Variants in CHCHD6 observed in about 807,000 individuals in gnomAD.
CHCHD6 encodes the protein MICOS complex subunit MIC25.
Under a neutral mutation model 32.3 loss-of-function variants are expected in CHCHD6, and 28 were observed. The observed-to-expected ratio is 0.87, with a 90% CI of 0.64 to 1.19. CHCHD6 has a LOEUF of 1.19. Among genes scored for constraint, CHCHD6 ranks in the 50% most tolerant of loss-of-function variants. The probability of loss-of-function intolerance (pLI) is 0.00; values close to 1 mark genes in which losing one functional copy is unlikely to be tolerated. For synonymous variants in CHCHD6, 122 were observed against 117.5 expected, an observed-to-expected ratio of 1.04 and a Z score of -0.25; for missense variants, 333 against 307.0, an observed-to-expected ratio of 1.08 and a Z score of -0.63.
At chr3:126,792,266 G>C (rs993021878) in intron 4 of CHCHD6, among the ~76,000 whole-genome samples, 2 of 139,952 alleles carry the variant, frequency 1.4e-5, no homozygotes, top group Non-Finnish European at 3.1e-5. Context: ...TTCTAATATA[G>C]AATATATTAG....
intron 4 of CHCHD6, among the ~76,000 whole-genome samples, chr3:126,796,887 G>A (rs557414101): frequency 3.0e-4 from 46 of 152,310 alleles, no homozygotes; most frequent in African/African-American, 1.1e-3. Flanking sequence ...TGAGAAGTCA[G>A]GGGAGGATCA....
In CHCHD6 at chr3:126,729,747, C is replaced by T. The variant is rs141042550; in HGVS notation, c.197-814C>T. Reference sequence around the variant, plus strand: ...CGGGTCTGGGGTGGAGTCGCACACCCTCATTGAGCGCCTCACACAGCCTGG... The same window carrying T: ...CGGGTCTGGGGTGGAGTCGCACACCTTCATTGAGCGCCTCACACAGCCTGG... On this transcript the variant is annotated intron_variant, in intron 2 of 7. Transcript: ENST00000290913. 2.9e-3 allele frequency among the ~76,000 whole-genome samples: 434 copies of T among 152,272 alleles called. 3 individuals are homozygous for T. The highest frequency in any genetic ancestry group is 0.014 in the Middle Eastern group (4 of 294).
chr3:126,705,980 G>C (rs905033169), intron 1 of CHCHD6, among the ~76,000 whole-genome samples: 2 of 152,212 alleles, frequency 1.3e-5, no homozygotes, highest in African/African-American at 4.8e-5. Flanking sequence ...GCTAGGCGTT[G>C]TATAGTTTTG....
intron 5 of CHCHD6, among the ~76,000 whole-genome samples, chr3:126,895,265 G>C (rs150509211): frequency 1.3e-5 from 2 of 152,184 alleles, no homozygotes; most frequent in South Asian, 2.1e-4. Flanking sequence ...GTGACTTGCC[G>C]GAGGGCACAG....
chr3:126,730,653 TC>T, intron 3 of CHCHD6, 23 bp downstream of exon 3: 2 of 1,606,328 alleles, frequency 1.2e-6, no homozygotes, highest in Non-Finnish European at 1.7e-6. Flanking sequence ...GCCTGCTTGC[TC>T]CCGGCACTGC....
chr3:126,763,936 A>G lies in CHCHD6; in HGVS notation c.411+30714A>G, dbSNP rs115204560. 7.0e-3 allele frequency among the ~76,000 whole-genome samples: 1,063 copies of G among 152,264 alleles called. 12 individuals carry two copies. Among genetic ancestry groups the G allele is most frequent in the African/African-American group, 0.024 (1,018 of 41,552 alleles). On this transcript the variant is annotated intron_variant, in intron 4 of 7. Coordinates refer to ENST00000290913, the MANE Select transcript of CHCHD6 (RefSeq NM_032343.3). ...TGGATGTACATAATGCTGAAATTGTATGCTTTACAATGGTTAAAAATGGCA... is the reference window on the plus strand; with the variant it reads ...TGGATGTACATAATGCTGAAATTGTGTGCTTTACAATGGTTAAAAATGGCA...
intron 5 of CHCHD6, among the ~76,000 whole-genome samples, chr3:126,862,408 T>A (rs1208193300): frequency 2.1e-5 from 2 of 97,152 alleles, no homozygotes; most frequent in African/African-American, 8.4e-5. Flanking sequence ...CATCACCACC[T>A]CCTCCTCCAC....
intron 4 of CHCHD6, among the ~76,000 whole-genome samples, chr3:126,801,079 G>C (rs982188307): frequency 6.6e-6 from 1 of 152,240 alleles, no homozygotes; most frequent in Non-Finnish European, 1.5e-5. Context: ...CTAGATGGAG[G>C]AGCCAAGATG....
intron 5 of CHCHD6, among the ~76,000 whole-genome samples, chr3:126,898,155 G>A (rs1287978704): frequency 6.6e-6 from 1 of 152,260 alleles, no homozygotes; most frequent in African/African-American, 2.4e-5. Flanking sequence ...GCATCCTGCC[G>A]CCAGCCCGGC....
chr3:126,831,667 C>T (rs1940648792), intron 4 of CHCHD6, among the ~76,000 whole-genome samples: 1 of 152,174 alleles, frequency 6.6e-6, no homozygotes, highest in African/African-American at 2.4e-5. Context: ...GGCCCTGTGT[C>T]CCCCAGGCTG....
chr3:126,785,392 A>G (rs1448032562), intron 4 of CHCHD6, among the ~76,000 whole-genome samples: 2 of 152,220 alleles, frequency 1.3e-5, no homozygotes, highest in Admixed American at 1.3e-4. Flanking sequence ...ACAGATTACC[A>G]GTTAGTGGCT....
chr3:126,834,063 A>AAAT (rs562011730), intron 4 of CHCHD6, among the ~76,000 whole-genome samples: 2,341 of 148,334 alleles, frequency 0.016, 85 homozygotes, highest in South Asian at 0.11. Context: ...CAAAAAAAAA[A>AAAT]AAAAAAAAAA....
chr3:126,759,239 A>G (rs1347990401), intron 4 of CHCHD6, among the ~76,000 whole-genome samples: 1 of 152,212 alleles, frequency 6.6e-6, no homozygotes, highest in African/African-American at 2.4e-5. Flanking sequence ...GCCTCACTCT[A>G]CCTGTATTGT....
intron 4 of CHCHD6, among the ~76,000 whole-genome samples, chr3:126,750,300 C>T (rs931861701): frequency 6.6e-6 from 1 of 152,204 alleles, no homozygotes; most frequent in Non-Finnish European, 1.5e-5. Context: ...TCTGGCCTTC[C>T]AGGCAGCTGA....
chr3:126,831,595 G>A (rs1940644543), intron 4 of CHCHD6, among the ~76,000 whole-genome samples: 1 of 152,212 alleles, frequency 6.6e-6, no homozygotes, highest in South Asian at 2.1e-4. Context: ...TAGGCGATCA[G>A]CCCCAGGCTG....
At chr3:126,849,666 C>T (rs761518828) in intron 4 of CHCHD6, among the ~76,000 whole-genome samples, 5 of 152,190 alleles carry the variant, frequency 3.3e-5, no homozygotes, top group Non-Finnish European at 5.9e-5. Context: ...AATAGCAACC[C>T]GCTAACCCTA....
chr3:126,826,724 C>T (rs1269557605), intron 4 of CHCHD6, among the ~76,000 whole-genome samples: 1 of 152,102 alleles, frequency 6.6e-6, no homozygotes, highest in Non-Finnish European at 1.5e-5. Context: ...AGACCATGTC[C>T]TTTGACTCCT....
At chr3:126,956,154 C>T (rs570601478) in intron 6 of CHCHD6, among the ~76,000 whole-genome samples, 2 of 152,266 alleles carry the variant, frequency 1.3e-5, no homozygotes, top group Non-Finnish European at 2.9e-5. Flanking sequence ...TCTCTCTCTC[C>T]ACGTACCTGG....
chr3:126,871,453 G>C (rs1259812032), intron 5 of CHCHD6, among the ~76,000 whole-genome samples: 1 of 151,984 alleles, frequency 6.6e-6, no homozygotes, highest in African/African-American at 2.4e-5. Context: ...GAGGCCCTTA[G>C]GTCAGGGATT....
Sources: allele counts gnomAD v4.1 joint callset (sites outside exome capture counted in the v4.1 genomes callset), GRCh38; gene constraint gnomAD v4.1.1; transcripts MANE v1.5; gene names NCBI Gene and HGNC (gene_info 2026-07-23, HGNC 2026-07-21).